Variants in KMT2E observed in about 807,000 individuals in gnomAD.
KMT2E encodes histone reader KMT2E.
In KMT2E, 30 loss-of-function variants were observed where a neutral mutation model predicts 184.6. That is an observed-to-expected ratio of 0.16 (90% CI 0.12 to 0.22). The LOEUF is 0.22. Among genes scored for constraint, KMT2E ranks in the 10% least tolerant of loss-of-function variants. KMT2E has a pLI of 1.00. For synonymous variants in KMT2E, 815 were observed against 776.5 expected, an observed-to-expected ratio of 1.05 and a Z score of -0.82; for missense variants, 2,023 against 2,237.4, an observed-to-expected ratio of 0.90 and a Z score of 1.93.
At chr7:105,093,448 G>A (rs1326641764) in intron 15 of KMT2E, among the ~76,000 whole-genome samples, 8 of 152,136 alleles carry the variant, frequency 5.3e-5, no homozygotes, top group African/African-American at 9.7e-5. Flanking sequence ...TTGGGAGGCC[G>A]AGACGGGTGG....
At chr7:105,024,945 T>TA (rs1274963891) in intron 1 of KMT2E, among the ~76,000 whole-genome samples, 1 of 152,104 alleles carries the variant, frequency 6.6e-6, no homozygotes, top group Non-Finnish European at 1.5e-5. Context: ...GCTATTTGGA[T>TA]AAGGAGCTTG....
At chr7:105,054,161 ACT>A (rs1278313889) in intron 3 of KMT2E, among the ~76,000 whole-genome samples, 1 of 150,764 alleles carries the variant, frequency 6.6e-6, no homozygotes, top group Non-Finnish European at 1.5e-5. Flanking sequence ...ACAGAGCAAG[ACT>A]CTGTCTCAAA....
chr7:105,072,681 C>T (rs1002741117), intron 6 of KMT2E, among the ~76,000 whole-genome samples: 3 of 151,802 alleles, frequency 2.0e-5, no homozygotes, highest in Non-Finnish European at 2.9e-5. Context: ...TTTGGGAGGC[C>T]GAGGTGGGCA....
At chr7:105,034,927 C>T (rs1795573737) in intron 1 of KMT2E, among the ~76,000 whole-genome samples, 1 of 151,940 alleles carries the variant, frequency 6.6e-6, no homozygotes, top group Non-Finnish European at 1.5e-5. Flanking sequence ...GCAATCCTGG[C>T]TCACTGCAAC....
At position 105,050,978 on chromosome 7, in the gene KMT2E, C is replaced by G. The variant is rs552218947; in HGVS notation, c.71+9955C>G. On this transcript the variant is annotated intron_variant, in intron 3 of 26. Coordinates refer to ENST00000311117, the MANE Select transcript of KMT2E (RefSeq NM_182931.3). ...CTGGCCTCAAGTGGTCCACCTGCCT[C>G]GGCCTCCCAAAGTGCTGGATTTACA... 5.9e-5 allele frequency among the ~76,000 whole-genome samples: 9 copies of G among 152,136 alleles called. No homozygotes were observed. The South Asian group carries it at 1.9e-3, about 32-fold the overall frequency.
At chr7:105,037,396 T>G (rs1022465968) in intron 1 of KMT2E, among the ~76,000 whole-genome samples, 1 of 152,274 alleles carries the variant, frequency 6.6e-6, no homozygotes, top group East Asian at 1.9e-4. Flanking sequence ...AGGGTCTCCC[T>G]CTGTCAGCCA....
Position 105,112,205 on chromosome 7 carries a change from A to G in KMT2E, c.4449A>G (p.Ser1483=). 6.2e-7 allele frequency: 1 copy of G among 1,614,172 alleles called. No homozygotes were observed. Among genetic ancestry groups the G allele is most frequent in the South Asian group, 1.1e-5 (1 of 91,084 alleles). Reference sequence around the variant, plus strand: ...GATCTCCCTACAGGCCTCATCATTCACAGTCACCTCAAGTTGGAACACCTC... The same window carrying G: ...GATCTCCCTACAGGCCTCATCATTCGCAGTCACCTCAAGTTGGAACACCTC... ...QLGSPYRPHH[S]QSPQVGTPQR... is the part of the protein sequence containing the mutation. Residue 1483 remains serine, a synonymous_variant, in exon 27 of 27, where the codon TCA becomes TCG. Coordinates refer to ENST00000311117, the MANE Select transcript of KMT2E (RefSeq NM_182931.3).
At chr7:105,045,163 A>G (rs1347745004) in intron 3 of KMT2E, among the ~76,000 whole-genome samples, 2 of 152,246 alleles carry the variant, frequency 1.3e-5, no homozygotes, top group African/African-American at 2.4e-5. Flanking sequence ...TAGTTATTAC[A>G]GTGACCATGC....
At position 105,082,697 on chromosome 7, in the gene KMT2E, A is replaced by G. The variant is rs73404009; in HGVS notation, c.1358+900A>G. On this transcript the variant is annotated intron_variant, in intron 13 of 26. Transcript: ENST00000311117. ...ACATATGGTGTAACTTTATGAAAAC[A>G]TATTAGTAATTTCTGCCTGGCTTTT... 6.0e-3 allele frequency among the ~76,000 whole-genome samples: 906 copies of G among 152,244 alleles called. 11 individuals carry two copies. Among genetic ancestry groups the G allele is most frequent in the African/African-American group, 0.021 (858 of 41,536 alleles).
intron 5 of KMT2E, chr7:105,063,914 T>G: frequency 2.2e-6 from 1 of 450,612 alleles, no homozygotes; most frequent in Non-Finnish European, 4.4e-6. Flanking sequence ...TGTATTTCCT[T>G]TGGAATAATT....
rs1023905735 is a variant in KMT2E, at chr7:105,019,474, A to C, written c.-189+4939A>C. 2.7e-4 allele frequency among the ~76,000 whole-genome samples: 41 copies of C among 152,234 alleles called. 1 individual carries two copies. Among genetic ancestry groups the C allele is most frequent in the African/African-American group, 9.4e-4 (39 of 41,468 alleles). The stretch of plus-strand genomic sequence containing the variant: ...GGATGTTGGACATTTTCAATGCAAC[A>C]GGTCAACAAAGAATTCTTTTTTGAT... On this transcript the variant is annotated intron_variant, in intron 1 of 26. Coordinates refer to ENST00000311117, the MANE Select transcript of KMT2E (RefSeq NM_182931.3).
intron 14 of KMT2E, 28 bp from the exon 15 acceptor site, chr7:105,091,188 G>C: frequency 9.8e-7 from 1 of 1,024,374 alleles, no homozygotes; most frequent in South Asian, 1.3e-5. Flanking sequence ...ATAATAGTTT[G>C]TATAAAGAAG....
chr7:105,092,361 C>T (rs1798241279), intron 15 of KMT2E, among the ~76,000 whole-genome samples: 1 of 152,060 alleles, frequency 6.6e-6, no homozygotes, highest in African/African-American at 2.4e-5. Flanking sequence ...GAGATCATGC[C>T]ACTGCACTCC....
rs1462928515 is a variant in KMT2E, at chr7:105,106,630, A to G, written c.2705A>G (p.Asp902Gly). The change falls in exon 20 of 27, where the codon GAT (aspartate) becomes GGT (glycine). Residue 902 changes from aspartate (D) to glycine (G), a missense_variant. Asp to Gly is a moderately conservative substitution (Grantham distance 94). Transcript: ENST00000311117. ...PSPYATPTHT[D>G]ITPMDPSFAT... ...CCGTATGCTACACCAACTCACACCG[A>G]TATTACTCCTATGGACCCATCTTTT... is the stretch of plus-strand genomic sequence containing the variant. 1.9e-6 allele frequency: 3 copies of G among 1,613,972 alleles called. No homozygotes were observed. In the African/African-American group the frequency reaches 4.0e-5, roughly 22 times the overall value.
chr7:105,075,840 C>T (rs1797503548), intron 8 of KMT2E, among the ~76,000 whole-genome samples: 1 of 152,046 alleles, frequency 6.6e-6, no homozygotes, highest in African/African-American at 2.4e-5. Flanking sequence ...GTGCCCGCCA[C>T]CACTCTCAAC....
chr7:105,114,165 G>A lies in KMT2E; in HGVS notation c.*832G>A, dbSNP rs1343099349. Reference sequence around the variant, plus strand: ...TCTAGTTTTCAAATATAGATTGTAAGGAGCCTTCAATTTTCTTTAGCGACT... The same window carrying A: ...TCTAGTTTTCAAATATAGATTGTAAAGAGCCTTCAATTTTCTTTAGCGACT... On this transcript the variant is annotated 3_prime_UTR_variant, in exon 27 of 27. Coordinates refer to ENST00000311117, the MANE Select transcript of KMT2E (RefSeq NM_182931.3). 2.6e-5 allele frequency: 4 copies of A among 152,264 alleles called. No homozygotes were observed. Among genetic ancestry groups the A allele is most frequent in the Non-Finnish European group, 4.4e-5 (3 of 68,022 alleles). 9.4% of individuals were successfully genotyped at this position (152,264 alleles called of 1,614,324 possible). A position where few individuals can be genotyped will look rare whatever the true frequency, so the allele number is the denominator to read the frequency against.
At chr7:105,097,741 C>T (rs1045645910) in intron 15 of KMT2E, among the ~76,000 whole-genome samples, 1 of 152,316 alleles carries the variant, frequency 6.6e-6, no homozygotes, top group East Asian at 1.9e-4. Flanking sequence ...TCAGCTTTAA[C>T]TGCCTTCTAA....
intron 1 of KMT2E, among the ~76,000 whole-genome samples, chr7:105,023,291 A>G (rs1200765368): frequency 1.3e-5 from 2 of 150,072 alleles, no homozygotes; most frequent in African/African-American, 4.9e-5. Flanking sequence ...AATCCCAGCT[A>G]CTTGGGAGGC....
intron 22 of KMT2E, chr7:105,108,574 G>A (rs922562504): frequency 1.1e-5 from 5 of 459,996 alleles, no homozygotes; most frequent in Non-Finnish European, 1.7e-5. Flanking sequence ...GGGAAGCAAT[G>A]TAGTATAGTG....
Sources: gnomAD v4.1 joint callset for allele counts (sites outside exome capture counted in the v4.1 genomes callset) on GRCh38, gnomAD v4.1.1 for gene constraint, MANE v1.5 for transcripts, NCBI Gene and HGNC (gene_info 2026-07-23, HGNC 2026-07-21) for gene names.